Variants in OBSL1 observed in about 807,000 individuals in gnomAD.
OBSL1 encodes obscurin like cytoskeletal adaptor 1.
A neutral mutation model predicts 172.0 loss-of-function variants in OBSL1; 160 were observed. That is an observed-to-expected ratio of 0.93 (90% CI 0.82 to 1.06). The LOEUF (loss-of-function observed/expected upper bound fraction) is 1.06. Among genes scored for constraint, OBSL1 ranks in the 50% least tolerant of loss-of-function variants. OBSL1 has a pLI of 0.00. For missense variants in OBSL1, 2,681 were observed against 2,715.4 expected, an observed-to-expected ratio of 0.99 and a Z score of 0.28; for synonymous variants, 1,200 against 1,196.3, an observed-to-expected ratio of 1.00 and a Z score of -0.06.
downstream of OBSL1, chr2:219,547,228 T>C (rs1273931072): frequency 2.4e-5 from 8 of 335,824 alleles, no homozygotes; most frequent in East Asian, 3.7e-4. Flanking sequence ...TCAAAAGATT[T>C]ATCCTAACTC....
intron 13 of OBSL1, 50 bp from the exon 14 acceptor site, chr2:219,556,342 C>G (rs1408390166): frequency 3.2e-6 from 5 of 1,569,964 alleles, no homozygotes; most frequent in Non-Finnish European, 4.3e-6. Context: ...GGAGGCTGGC[C>G]CCTTGCTCCA....
chr2:219,551,259 G>A (rs1695590412), intron 20 of OBSL1: 1 of 1,398,624 alleles, frequency 7.1e-7, no homozygotes. Context: ...AGACAAACAT[G>A]GTCCAGTGGC....
chr2:219,571,132 A>C lies in OBSL1; in HGVS notation c.101T>G (p.Val34Gly). Reference protein sequence around the residue: ...VSGAEAELKCVVLGEPPPVVV... With the variant: ...VSGAEAELKCGVLGEPPPVVV... ...TACAGGCGGCGGCTCCCCCAGGACC[A>C]CGCACTTGAGCTCGGCCTCGGCGCC... The change falls in exon 1 of 21, where the codon GTG (valine) becomes GGG (glycine). Residue 34 changes from valine to glycine, a missense_variant. Physicochemically the swap from Val to Gly is moderately radical, Grantham distance 109 (BLOSUM62 -3). Around this residue, in one of 5 missense-constraint regions of OBSL1, gnomAD observed 90 missense variants for 76.6 expected, o/e 1.18. Coordinates refer to ENST00000404537, the MANE Select transcript of OBSL1 (RefSeq NM_015311.3). 6.7e-7 allele frequency: 1 copy of C among 1,485,218 alleles called. No individual in the cohort carries two copies. Among genetic ancestry groups the C allele is most frequent in the Non-Finnish European group, 8.9e-7 (1 of 1,123,114 alleles). The allele number at this position is 1,485,218 out of a possible 1,614,324, so 92.0% of individuals were successfully genotyped here.
intron 18 of OBSL1, 94 bp downstream of exon 18, chr2:219,552,442 G>A: frequency 7.5e-7 from 1 of 1,339,214 alleles, no homozygotes; most frequent in Non-Finnish European, 1.0e-6. Flanking sequence ...GGGGCCCGTC[G>A]GAGCCAGGGG....
Position 219,571,501 on chromosome 2 carries a change from C to A in OBSL1, c.-269G>T. ...CTGTTTGCCTCTCCAGCGAGTGGCC[C>A]CGCAGCCTCCCCTGCCCGCTGCCTG... On this transcript the variant is annotated 5_prime_UTR_variant, in exon 1 of 21. Coordinates refer to ENST00000404537, the MANE Select transcript of OBSL1 (RefSeq NM_015311.3). 1 of 263,012 alleles carries A rather than the reference C, an allele frequency of 3.8e-6. No homozygotes were observed. The highest frequency in any genetic ancestry group is 7.2e-6 in the Non-Finnish European group (1 of 139,690). The allele number at this position is 263,012 out of a possible 1,614,324, so 16.3% of individuals were successfully genotyped here.
downstream of OBSL1, chr2:219,548,169 C>T (rs975588280): frequency 8.0e-5 from 98 of 1,224,004 alleles, no homozygotes; most frequent in Non-Finnish European, 1.0e-4. Flanking sequence ...TGGGGGACAG[C>T]AGCAGAAGGC....
intron 7 of OBSL1, chr2:219,563,124 CAGG>C (rs1369099445): frequency 1.9e-6 from 1 of 531,880 alleles, no homozygotes; most frequent in African/African-American, 1.9e-5. Context: ...TACAGGTTTT[CAGG>C]AGAATAGAGA....
At position 219,571,072 on chromosome 2, in the gene OBSL1, G is replaced by A. The variant is rs1288410493; in HGVS notation, c.161C>T (p.Ala54Val). Residue 54 changes from alanine to valine, a missense_variant, in exon 1 of 21, where the codon GCC becomes GTC. Physicochemically the swap from Ala to Val is moderately conservative, Grantham distance 64. Coordinates refer to ENST00000404537, the MANE Select transcript of OBSL1 (RefSeq NM_015311.3). ...VWEKGGQQLA[A>V]SERLSFPADG... ...CGCCGGGAAGCTCAGGCGTTCCGAG[G>A]CCGCCAGCTGCTGCCCGCCCTTCTC... is the stretch of plus-strand genomic sequence containing the variant. The A allele has an allele frequency of 6.8e-7, 1 of 1,465,670 alleles. No individual in the cohort carries two copies. The highest frequency in any genetic ancestry group is 1.5e-5 in the African/African-American group (1 of 68,410). The allele number at this position is 1,465,670 out of a possible 1,614,324, so 90.8% of individuals were successfully genotyped here. A position where few individuals can be genotyped will look rare whatever the true frequency, so the allele number is the denominator to read the frequency against.
rs1167219439 is a variant in OBSL1 at position 219,568,435 on chromosome 2, G to A, written c.1013-111C>T. On this transcript the variant is annotated intron_variant, in intron 1 of 20. Transcript: ENST00000404537. This position sits in a 1 kb window ranked among gnomAD's most constrained non-coding sequence, Gnocchi z 4.1. ...GCTGTGTGCTCTTCATGCAGAGCCA[G>A]CGGGCACTGTGGAATCACAGAAAAC... 9.2e-7 allele frequency: 1 copy of A among 1,083,488 alleles called. No individual in the cohort carries two copies. The highest frequency in any genetic ancestry group is 2.8e-5 in the Admixed American group (1 of 35,932). 67.1% of individuals were successfully genotyped at this position (1,083,488 alleles called of 1,614,324 possible). A position where few individuals can be genotyped will look rare whatever the true frequency, so the allele number is the denominator to read the frequency against.
chr2:219,556,607 T>C lies in OBSL1; in HGVS notation c.4183A>G (p.Asn1395Asp), dbSNP rs760052544. The C allele has an allele frequency of 3.1e-6, 5 of 1,613,940 alleles. No individual in the cohort carries two copies. The highest frequency in any genetic ancestry group is 1.6e-4 in the Middle Eastern group (1 of 6,062). Reference sequence around the variant, plus strand: ...GGCCCTGGAGTGACGACGGCCCCATTGCGCAGCCAGGTGACATCGGCATCT... The same window carrying C: ...GGCCCTGGAGTGACGACGGCCCCATCGCGCAGCCAGGTGACATCGGCATCT... ...PPDADVTWLR[N>D]GAVVTPGPQV... is the part of the protein sequence containing the mutation. Residue 1395 changes from asparagine to aspartate, a missense_variant, in exon 13 of 21, where the codon AAT (asparagine) becomes GAT (aspartate). Asn to Asp is a conservative substitution (Grantham distance 23). Transcript: ENST00000404537.
At chr2:219,557,316 C>T in intron 12 of OBSL1, 27 bp downstream of exon 12, 1 of 1,446,856 alleles carries the variant, frequency 6.9e-7, no homozygotes, top group Non-Finnish European at 9.1e-7. Context: ...TGCCACAGCC[C>T]ACAGGGTGTG....
chr2:219,562,680 G>A lies in OBSL1; in HGVS notation c.2681-6C>T. ...CACGATCCACGAGGAGACGTCTGGA[G>A]GACAGGGACAGCCACTGCCGGGCAT... On this transcript the variant is annotated splice_polypyrimidine_tract_variant and splice_region_variant and intron_variant, in intron 7 of 20. Coordinates refer to ENST00000404537, the MANE Select transcript of OBSL1 (RefSeq NM_015311.3). The A allele has an allele frequency of 1.3e-6, 2 of 1,538,000 alleles. No homozygotes were observed. The highest frequency in any genetic ancestry group is 1.4e-5 in the African/African-American group (1 of 72,914).
chr2:219,554,381 G>A lies in OBSL1; in HGVS notation c.4876+93C>T, dbSNP rs372816622. On this transcript the variant is annotated intron_variant, in intron 15 of 20. Coordinates refer to ENST00000404537, the MANE Select transcript of OBSL1 (RefSeq NM_015311.3). ...GGCCACACTGAGACAGGCATGGTCA[G>A]TGGGGGTCACACGAGTTGGGGGTCA... 1,349 of 1,437,246 alleles carry A rather than the reference G, an allele frequency of 9.4e-4. 15 individuals carry two copies. The African/African-American group carries it at 0.016, about 17-fold the overall frequency. 89.0% of individuals were successfully genotyped at this position (1,437,246 alleles called of 1,614,324 possible).
chr2:219,570,419 T>C lies in OBSL1; in HGVS notation c.814A>G (p.Lys272Glu). 6.2e-7 allele frequency: 1 copy of C among 1,613,218 alleles called. No homozygotes were observed. Among genetic ancestry groups the C allele is most frequent in the Non-Finnish European group, 8.5e-7 (1 of 1,179,572 alleles). ...HAKFRCYVMGKPEPEIEWHWE... is the reference protein window; with the variant it reads ...HAKFRCYVMGEPEPEIEWHWE... ...TGCCATTCGATCTCGGGCTCGGGCTTGCCCATCACGTAGCAGCGGAACTTG... is the reference window on the plus strand; with the variant it reads ...TGCCATTCGATCTCGGGCTCGGGCTCGCCCATCACGTAGCAGCGGAACTTG... The change falls in exon 1 of 21, where the codon AAG (lysine) becomes GAG (glutamate). Residue 272 changes from lysine (K) to glutamate (E), a missense_variant. This residue lies in a region of OBSL1 where 706 missense variants were observed against 695.8 expected (regional missense o/e 1.01). Transcript: ENST00000404537.
intron 6 of OBSL1, among the ~76,000 whole-genome samples, chr2:219,564,632 T>C (rs779437250): frequency 4.6e-5 from 7 of 152,188 alleles, no homozygotes; most frequent in Admixed American, 4.6e-4. Context: ...ACAGTGTTAG[T>C]GTATCAGGGG....
At chr2:219,551,824 G>A (rs1326562708) in intron 19 of OBSL1, 26 bp from the exon 20 acceptor site, 3 of 1,440,454 alleles carry the variant, frequency 2.1e-6, no homozygotes, top group Middle Eastern at 1.8e-4. Context: ...GGGGGCTTAA[G>A]TTAATAGGGA....
intron 13 of OBSL1, 72 bp from the exon 14 acceptor site, chr2:219,556,364 T>C: frequency 6.3e-7 from 1 of 1,578,360 alleles, no homozygotes; most frequent in Non-Finnish European, 8.6e-7. Context: ...CCCACTGGTC[T>C]GTCCCTAGGT....
intron 20 of OBSL1, 105 bp downstream of exon 20, chr2:219,551,424 C>T: frequency 7.1e-7 from 1 of 1,406,754 alleles, no homozygotes; most frequent in Non-Finnish European, 9.5e-7. Context: ...TATCCCAGGA[C>T]CCGTTGCCAC....
chr2:219,571,119 C>A lies in OBSL1; in HGVS notation c.114G>T (p.Glu38Asp). ...EAELKCVVLG[E>D]PPPVVVWEKG... ...TCTCCCACACCACTACAGGCGGCGG[C>A]TCCCCCAGGACCACGCACTTGAGCT... The change falls in exon 1 of 21, where the codon GAG becomes GAT. Residue 38 changes from glutamate (E) to aspartate (D), a missense_variant. Glu to Asp is a conservative substitution (Grantham distance 45). This residue lies in a region of OBSL1 where 90 missense variants were observed against 76.6 expected (regional missense o/e 1.18). Transcript: ENST00000404537. 6.8e-7 allele frequency: 1 copy of A among 1,472,704 alleles called. No individual in the cohort carries two copies. 91.2% of individuals were successfully genotyped at this position (1,472,704 alleles called of 1,614,324 possible).
Sources: gnomAD v4.1 joint callset for allele counts (sites outside exome capture counted in the v4.1 genomes callset) on GRCh38, gnomAD v4.1.1 for gene constraint, gnomAD v4.1.1 regional missense constraint, Gnocchi (gnomAD v3.1) non-coding constraint, MANE v1.5 for transcripts, NCBI Gene and HGNC (gene_info 2026-07-23, HGNC 2026-07-21) for gene names.